The following PDE12 variants were observed in gnomAD, a reference collection of about 807,000 sequenced individuals.
PDE12 encodes 2',5'-phosphodiesterase 12.
Under a neutral mutation model 45.4 loss-of-function variants are expected in PDE12, and 26 were observed. The observed-to-expected ratio is 0.57, with a 90% CI of 0.42 to 0.79. The LOEUF (loss-of-function observed/expected upper bound fraction) is 0.79, where lower values mean the gene tolerates loss of function less well. PDE12 is among the 30% of genes least tolerant of loss of function. PDE12 has a pLI of 0.00. For synonymous variants in PDE12, 283 were observed against 323.9 expected (o/e 0.87, Z 1.36); for missense variants, 668 against 790.0 (o/e 0.85, Z 1.85).
chr3:57,633,375 G>C, the PDE12 span: 1 of 1,578,286 alleles, frequency 6.3e-7, no homozygotes, highest in Non-Finnish European at 8.7e-7. Context: ...GAAATAATGA[G>C]AATCTGTATT....
intron 2 of PDE12, 42 bp from the exon 3 acceptor site, chr3:57,559,520 A>G: frequency 1.3e-6 from 2 of 1,566,682 alleles, no homozygotes; most frequent in Non-Finnish European, 1.7e-6. Flanking sequence ...ACTTAAAGAC[A>G]ACTTTAAAAA....
the PDE12 span, among the ~76,000 whole-genome samples, chr3:57,642,258 G>A: frequency 6.9e-6 from 1 of 145,148 alleles, no homozygotes; most frequent in South Asian, 2.2e-4. Context: ...AGGTTGCAGT[G>A]AGCTGAGATT....
chr3:57,598,136 G>A, the PDE12 span: 1 of 152,118 alleles, frequency 6.6e-6, no homozygotes, highest in Non-Finnish European at 1.5e-5. Flanking sequence ...GAAGCGGAAA[G>A]CCTCTTCACT....
chr3:57,643,626 G>A, the PDE12 span, among the ~76,000 whole-genome samples: 2 of 151,598 alleles, frequency 1.3e-5, no homozygotes, highest in South Asian at 2.1e-4. Context: ...TCAGGAGTTC[G>A]AGCCAGTCTG....
At chr3:57,585,238 T>G in the PDE12 span, among the ~76,000 whole-genome samples, 2 of 152,192 alleles carry the variant, frequency 1.3e-5, no homozygotes, top group Non-Finnish European at 2.9e-5. Context: ...TTCTTAAGAT[T>G]TGTAAAAATA....
the PDE12 span, among the ~76,000 whole-genome samples, chr3:57,574,758 G>A: frequency 2.6e-4 from 39 of 152,202 alleles, no homozygotes; most frequent in East Asian, 6.6e-3. Flanking sequence ...CACCATGGCT[G>A]GAATCCCAGC....
chr3:57,634,377 G>A, the PDE12 span, among the ~76,000 whole-genome samples: 5 of 148,980 alleles, frequency 3.4e-5, no homozygotes, highest in African/African-American at 1.2e-4. Context: ...AGGTTGCAGT[G>A]AGCTGAGATC....
the PDE12 span, among the ~76,000 whole-genome samples, chr3:57,649,555 C>T: frequency 6.7e-6 from 1 of 150,090 alleles, no homozygotes; most frequent in Non-Finnish European, 1.5e-5. Context: ...GATTCTTGCA[C>T]ATGCATGTTT....
the PDE12 span, among the ~76,000 whole-genome samples, chr3:57,631,883 C>T: frequency 2.0e-5 from 3 of 150,466 alleles, no homozygotes; most frequent in Non-Finnish European, 3.0e-5. Flanking sequence ...CCACCACGCC[C>T]GGCTAATTTT....
At chr3:57,594,451 A>G in the PDE12 span, among the ~76,000 whole-genome samples, 5 of 152,202 alleles carry the variant, frequency 3.3e-5, no homozygotes, top group African/African-American at 7.2e-5. Flanking sequence ...ACTTACCCTT[A>G]TAACTAGTAC....
chr3:57,596,990 G>A, the PDE12 span: 17 of 1,446,994 alleles, frequency 1.2e-5, no homozygotes, highest in African/African-American at 2.0e-4. Context: ...AGCGGGCGGA[G>A]GAAAAAAACA....
At chr3:57,632,417 T>G in the PDE12 span, among the ~76,000 whole-genome samples, 1 of 152,020 alleles carries the variant, frequency 6.6e-6, no homozygotes, top group African/African-American at 2.4e-5. Context: ...AGTCCTGGCC[T>G]TAAGCAATCC....
chr3:57,647,023 T>C, the PDE12 span, among the ~76,000 whole-genome samples: 1 of 152,192 alleles, frequency 6.6e-6, no homozygotes, highest in African/African-American at 2.4e-5. Context: ...GCTAGTATGT[T>C]ACCAGGCCTA....
At chr3:57,571,047 T>G (rs2153408136), downstream of PDE12, among the ~76,000 whole-genome samples, 1 of 152,088 alleles carries the variant, frequency 6.6e-6, no homozygotes. Context: ...CTTACTACAT[T>G]GCCAAAGCTG....
the PDE12 span, among the ~76,000 whole-genome samples, chr3:57,621,345 T>C: frequency 6.6e-6 from 1 of 152,238 alleles, no homozygotes; most frequent in African/African-American, 2.4e-5. Flanking sequence ...CAAATAGTTA[T>C]AAACCTAAAT....
chr3:57,593,790 C>G, the PDE12 span, among the ~76,000 whole-genome samples: 4 of 152,270 alleles, frequency 2.6e-5, no homozygotes, highest in East Asian at 7.7e-4. Flanking sequence ...AACCCTAGCA[C>G]TTTTCGAGGC....
At chr3:57,611,434 G>A in the PDE12 span, among the ~76,000 whole-genome samples, 5 of 152,148 alleles carry the variant, frequency 3.3e-5, no homozygotes, top group Non-Finnish European at 1.5e-5. Flanking sequence ...ACTACCATCT[G>A]AGTGAACAGG....
the PDE12 span, among the ~76,000 whole-genome samples, chr3:57,609,646 C>A: frequency 3.9e-5 from 6 of 152,142 alleles, no homozygotes; most frequent in East Asian, 1.9e-4. Context: ...GAAATGGATA[C>A]ATTCCTGGAC....
chr3:57,645,783 T>C, the PDE12 span: 2 of 1,549,844 alleles, frequency 1.3e-6, no homozygotes, highest in Admixed American at 1.7e-5. Context: ...ACATGTAAAA[T>C]AAAGGACACA....
Sources: gnomAD v4.1 joint callset for allele counts (sites outside exome capture counted in the v4.1 genomes callset) on GRCh38, gnomAD v4.1.1 for gene constraint, MANE v1.5 for transcripts, NCBI Gene and HGNC (gene_info 2026-07-23, HGNC 2026-07-21) for gene names.